PRPF18: variants seen among roughly 807,000 people sequenced by gnomAD.
PRPF18 encodes the protein pre-mRNA processing factor 18.
In PRPF18, 38 loss-of-function variants were observed where a neutral mutation model predicts 46.5. The observed-to-expected ratio is 0.82, with a 90% CI of 0.63 to 1.07. The LOEUF (loss-of-function observed/expected upper bound fraction) is 1.07. Ranked by LOEUF, PRPF18 falls within the 50% of genes least tolerant of loss-of-function variation. The pLI is 0.00. For synonymous variants in PRPF18, 152 were observed against 146.7 expected, an observed-to-expected ratio of 1.04 and a Z score of -0.26; for missense variants, 263 against 410.0, an observed-to-expected ratio of 0.64 and a Z score of 3.10.
chr10:13,635,831 A>G (rs10752312), downstream of PRPF18, among the ~76,000 whole-genome samples: 122,897 of 152,170 alleles, frequency 0.81, 49,758 homozygotes, highest in East Asian at 0.86. Flanking sequence ...AAGGACTATA[A>G]TTCTTTTTTG....
chr10:13,654,080 T>A, the PRPF18 span: 6 of 457,420 alleles, frequency 1.3e-5, no homozygotes, highest in Non-Finnish European at 2.3e-5. Flanking sequence ...GCCTGGCATT[T>A]TGAGTCAGCC....
chr10:13,597,480 G>A lies in PRPF18; in HGVS notation c.89G>A (p.Arg30His), dbSNP rs201011132. Residue 30 changes from arginine to histidine, a missense_variant, in exon 2 of 10, where the codon CGT becomes CAT. By Grantham distance (29) the Arg-to-His change is conservative. This residue lies in a region of PRPF18 where 71 missense variants were observed against 69.2 expected (regional missense o/e 1.03). Transcript: ENST00000378572. Reference sequence around the variant, plus strand: ...TAGGAAAATAAAAAATATTTCAAGCGTAGTGAGCTCGCCAAAAAAGAAGAG... The same window carrying A: ...TAGGAAAATAAAAAATATTTCAAGCATAGTGAGCTCGCCAAAAAAGAAGAG... ...LLVENKKYFKRSELAKKEEEA... is the reference protein window; with the variant it reads ...LLVENKKYFKHSELAKKEEEA... The A allele has an allele frequency of 4.9e-5, 79 of 1,607,216 alleles. No individual in the cohort carries two copies. Among genetic ancestry groups the A allele is most frequent in the Admixed American group, 2.2e-4 (13 of 59,386 alleles).
chr10:13,613,827 C>G lies in PRPF18; in HGVS notation c.666C>G (p.Thr222=), dbSNP rs759609274. 3 of 1,613,884 alleles carry G rather than the reference C, an allele frequency of 1.9e-6. No individual in the cohort carries two copies. In the Admixed American group the frequency reaches 5.0e-5, roughly 27 times the overall value. Residue 222 remains threonine (T), a synonymous_variant, in exon 7 of 10, where the codon ACC becomes ACG. Coordinates refer to ENST00000378572, the MANE Select transcript of PRPF18 (RefSeq NM_003675.4). ...TGCAGGGTAAACTGAACAGTGCGAC[C>G]CAGAAACAGACCGAGTCCTACCTAA... ...RSVQGKLNSA[T]QKQTESYLRP... is the part of the protein sequence containing the mutation.
chr10:13,652,929 G>C, the PRPF18 span: 1 of 151,928 alleles, frequency 6.6e-6, no homozygotes, highest in Non-Finnish European at 1.5e-5. Flanking sequence ...CTTAACTACC[G>C]GTATAGTGGG....
At chr10:13,620,500 T>C (rs1191287968) in intron 9 of PRPF18, among the ~76,000 whole-genome samples, 1 of 152,232 alleles carries the variant, frequency 6.6e-6, no homozygotes, top group Non-Finnish European at 1.5e-5. Context: ...TGATTCTTGA[T>C]ACGTGTCATG....
the PRPF18 span, chr10:13,643,793 GAATA>G: frequency 6.6e-6 from 1 of 152,600 alleles, no homozygotes; most frequent in East Asian, 1.9e-4. Flanking sequence ...AATACAAAAA[GAATA>G]AATTAAAAGC....
At chr10:13,590,973 TA>T (rs2079953144) in intron 1 of PRPF18, among the ~76,000 whole-genome samples, 1 of 152,266 alleles carries the variant, frequency 6.6e-6, no homozygotes, top group Non-Finnish European at 1.5e-5. Flanking sequence ...CAAAGTGCTA[TA>T]TGCTATCTGA....
intron 4 of PRPF18, among the ~76,000 whole-genome samples, 189 bp from the exon 5 acceptor site, chr10:13,609,850 G>A (rs1457298618): frequency 2.6e-5 from 4 of 152,198 alleles, no homozygotes; most frequent in African/African-American, 9.6e-5. Context: ...AAATAGGTCC[G>A]TAAGAATTAA....
At chr10:13,654,456 G>A in the PRPF18 span, 6 of 1,613,646 alleles carry the variant, frequency 3.7e-6, no homozygotes, top group East Asian at 8.9e-5. Flanking sequence ...CTGCTTGGGG[G>A]GGTGGCTCCA....
intron 9 of PRPF18, 124 bp downstream of exon 9, chr10:13,616,677 C>A: frequency 7.9e-7 from 1 of 1,264,154 alleles, no homozygotes; most frequent in Non-Finnish European, 1.1e-6. Context: ...GGATGGAAGT[C>A]CCCTCTGGAT....
intron 1 of PRPF18, among the ~76,000 whole-genome samples, chr10:13,596,067 CAA>C (rs2080031346): frequency 6.6e-6 from 1 of 152,152 alleles, no homozygotes; most frequent in African/African-American, 2.4e-5. Flanking sequence ...GTTGGTTTTT[CAA>C]GTCAGGTCAA....
chr10:13,622,881 T>C lies in PRPF18; in HGVS notation c.948+6328T>C, dbSNP rs189078182. 3.8e-3 allele frequency among the ~76,000 whole-genome samples: 578 copies of C among 152,248 alleles called. 1 individual carries two copies. The highest frequency in any genetic ancestry group is 0.013 in the African/African-American group (547 of 41,548). On this transcript the variant is annotated intron_variant, in intron 9 of 9. Transcript: ENST00000378572. ...GAATGGGTTGTTTCGATGAATTCAG[T>C]TTTAACAATATATTTGTGTGAAAAG... is the stretch of plus-strand genomic sequence containing the variant.
intron 1 of PRPF18, among the ~76,000 whole-genome samples, chr10:13,590,450 A>AT (rs561519250): frequency 1.1e-4 from 15 of 136,976 alleles, no homozygotes; most frequent in African/African-American, 3.4e-4. Context: ...ACAAAAAAAA[A>AT]AAATATATAT....
chr10:13,632,831 T>G (rs952335145), downstream of PRPF18: 1 of 152,196 alleles, frequency 6.6e-6, no homozygotes, highest in Non-Finnish European at 1.5e-5. Flanking sequence ...AGCAGGTAAG[T>G]ATTTCTGTTT....
intron 3 of PRPF18, among the ~76,000 whole-genome samples, chr10:13,604,858 A>G (rs1217067860): frequency 6.6e-6 from 1 of 152,212 alleles, no homozygotes; most frequent in East Asian, 1.9e-4. Flanking sequence ...AGGGATTACT[A>G]TTGTCTTTCC....
At chr10:13,649,008 A>G in the PRPF18 span, among the ~76,000 whole-genome samples, 1 of 152,164 alleles carries the variant, frequency 6.6e-6, no homozygotes. Flanking sequence ...CATATATTAA[A>G]GGTTCTGAGA....
downstream of PRPF18, among the ~76,000 whole-genome samples, chr10:13,634,270 G>T (rs755983419): frequency 2.0e-5 from 3 of 152,122 alleles, no homozygotes; most frequent in Non-Finnish European, 4.4e-5. Flanking sequence ...CTCTCACTAG[G>T]CCACTTCCTT....
At chr10:13,624,057 T>C (rs568546427) in intron 9 of PRPF18, among the ~76,000 whole-genome samples, 3 of 152,334 alleles carry the variant, frequency 2.0e-5, no homozygotes, top group Admixed American at 6.5e-5. Context: ...TGATCTTGGC[T>C]CACTGCAACT....
rs545158607 is a variant in PRPF18 at position 13,596,296 on chromosome 10, C to T, written c.67-1162C>T. ...TTCCCTACATTTAACAAGGATACTT[C>T]GTAGACGATGGCTGGGTAATTCCTG... On this transcript the variant is annotated intron_variant, in intron 1 of 9. Coordinates refer to ENST00000378572, the MANE Select transcript of PRPF18 (RefSeq NM_003675.4). Among the ~76,000 whole-genome samples, 3 of 152,294 alleles carry T rather than the reference C, an allele frequency of 2.0e-5. No homozygotes were observed. In the East Asian group the frequency reaches 5.8e-4, roughly 29 times the overall value.
Sources: allele counts gnomAD v4.1 joint callset (sites outside exome capture counted in the v4.1 genomes callset), GRCh38; gene constraint gnomAD v4.1.1; regional missense constraint gnomAD v4.1.1; transcripts MANE v1.5; gene names NCBI Gene and HGNC (gene_info 2026-07-23, HGNC 2026-07-21).